CPZ: variants seen among roughly 807,000 people sequenced by gnomAD.
CPZ encodes VEZT/CPZ fusion.
In CPZ, 103 loss-of-function variants were observed where a neutral mutation model predicts 61.8. That is an observed-to-expected ratio of 1.67 (90% CI 1.42 to 1.96). The LOEUF (loss-of-function observed/expected upper bound fraction) is 1.96. Among genes scored for constraint, CPZ ranks in the 30% most tolerant of loss-of-function variants. The pLI, the probability that CPZ is intolerant of heterozygous loss-of-function variation, is 0.00. For synonymous variants in CPZ, 551 were observed against 373.7 expected (o/e 1.47, Z -5.47); for missense variants, 1,461 against 914.9 (o/e 1.60, Z -7.70).
At position 8,607,443 on chromosome 4, in the gene CPZ, T is replaced by C; in HGVS notation, c.1227+18T>C. The C allele has an allele frequency of 6.2e-7, 1 of 1,612,730 alleles. No homozygotes were observed. Among genetic ancestry groups the C allele is most frequent in the Non-Finnish European group, 8.5e-7 (1 of 1,179,528 alleles). On this transcript the variant is annotated intron_variant, in intron 7 of 10. Coordinates refer to ENST00000360986, the MANE Select transcript of CPZ (RefSeq NM_001014447.3). ...ACGAGAAGGTGAGAGGGCTGTCGGG[T>C]GTGTGCAGGGGAGGGAGACAGTGTG... is the stretch of plus-strand genomic sequence containing the variant.
chr4:8,595,491 C>T (rs892509098), intron 1 of CPZ, among the ~76,000 whole-genome samples: 1 of 152,216 alleles, frequency 6.6e-6, no homozygotes, highest in African/African-American at 2.4e-5. Flanking sequence ...TCAGCAGGCC[C>T]ACCCCCGTGT....
intron 1 of CPZ, among the ~76,000 whole-genome samples, chr4:8,593,722 G>T (rs1713966345): frequency 1.3e-5 from 2 of 152,188 alleles, no homozygotes; most frequent in Middle Eastern, 3.2e-3. Context: ...GGGGTTTGTG[G>T]ATACCTGAGA....
At chr4:8,595,379 G>A (rs1398555690) in intron 1 of CPZ, among the ~76,000 whole-genome samples, 1 of 152,184 alleles carries the variant, frequency 6.6e-6, no homozygotes, top group African/African-American at 2.4e-5. Flanking sequence ...GTTGGGGTGG[G>A]GAAGCAATGG....
In CPZ at chr4:8,601,262, G is replaced by T; in HGVS notation, c.261G>T (p.Gln87His). The T allele has an allele frequency of 6.2e-7, 1 of 1,613,600 alleles. No individual in the cohort carries two copies. Among genetic ancestry groups the T allele is most frequent in the Non-Finnish European group, 8.5e-7 (1 of 1,179,930 alleles). ...SEYILLSVLHQLLEGQCNPDL... is the reference protein window; with the variant it reads ...SEYILLSVLHHLLEGQCNPDL... ...ACATCCTGCTGAGCGTTCTACACCA[G>T]CTCCTGGAAGGCCAGTGCAACCCGG... Residue 87 changes from glutamine (Q) to histidine (H), a missense_variant, in exon 3 of 11, where the codon CAG becomes CAT. Physicochemically the swap from Gln to His is conservative, Grantham distance 24 (BLOSUM62 0). Coordinates refer to ENST00000360986, the MANE Select transcript of CPZ (RefSeq NM_001014447.3).
chr4:8,595,154 T>A (rs555413275), intron 1 of CPZ, among the ~76,000 whole-genome samples: 3 of 152,364 alleles, frequency 2.0e-5, no homozygotes, highest in African/African-American at 7.2e-5. Context: ...TGAAACACAC[T>A]GTTTTTAGTA....
At chr4:8,603,342 T>C (rs1347727470) in intron 3 of CPZ, 1 of 152,440 alleles carries the variant, frequency 6.6e-6, no homozygotes, top group Non-Finnish European at 1.5e-5. Flanking sequence ...GCGTATGTGG[T>C]GTAGAGACGT....
At chr4:8,614,707 G>A (rs190254107) in intron 9 of CPZ, among the ~76,000 whole-genome samples, 30 of 152,286 alleles carry the variant, frequency 2.0e-4, no homozygotes, top group African/African-American at 7.0e-4. Context: ...GTGCTGGGGT[G>A]GCGGTGCCAT....
rs866841952 is a variant in CPZ, at chr4:8,618,540, C to G, written c.1603+12C>G. 7 of 1,611,126 alleles carry G rather than the reference C, an allele frequency of 4.3e-6. No homozygotes were observed. In the African/African-American group the frequency reaches 5.3e-5, roughly 12 times the overall value. ...CGACATCACCACAGGTGAGCACGTC[C>G]CTGGCTGTCCCCTGGGGACCACGTC... On this transcript the variant is annotated intron_variant, in intron 10 of 10. Coordinates refer to ENST00000360986, the MANE Select transcript of CPZ (RefSeq NM_001014447.3).
chr4:8,597,468 T>G (rs1422556766), intron 1 of CPZ: 2 of 152,162 alleles, frequency 1.3e-5, no homozygotes, highest in Non-Finnish European at 2.9e-5. Context: ...GGGAGTCACG[T>G]GAGGGTGCCA....
chr4:8,612,913 A>T (rs1715834620), intron 8 of CPZ, among the ~76,000 whole-genome samples: 3 of 152,200 alleles, frequency 2.0e-5, no homozygotes, highest in Non-Finnish European at 4.4e-5. Flanking sequence ...CGGGCAGAGA[A>T]GGTGGCACTT....
At chr4:8,615,767 C>G (rs1490942576) in intron 9 of CPZ, among the ~76,000 whole-genome samples, 2 of 152,218 alleles carry the variant, frequency 1.3e-5, no homozygotes, top group Non-Finnish European at 2.9e-5. Flanking sequence ...TCTTCCCAAG[C>G]CCTCTGTCCA....
intron 9 of CPZ, 77 bp from the exon 10 acceptor site, chr4:8,618,352 T>G (rs907069950): frequency 1.0e-5 from 14 of 1,398,096 alleles, no homozygotes; most frequent in South Asian, 8.2e-5. Context: ...GAGGAGCATG[T>G]GGGGAACGAG....
At chr4:8,617,516 T>C (rs1716279286) in intron 9 of CPZ, among the ~76,000 whole-genome samples, 1 of 152,186 alleles carries the variant, frequency 6.6e-6, no homozygotes. Flanking sequence ...AAGATGAATA[T>C]ATAGGAAAAC....
At position 8,614,467 on chromosome 4, in the gene CPZ, A is replaced by C; in HGVS notation, c.1472A>C (p.Asn491Thr). ...GCCCTGTACATACTCTGGCAGCACA[A>C]CAAGGAGTCACTCCTGAATTTCGTG... The part of the protein sequence containing the change: ...EEALYILWQH[N>T]KESLLNFVET... Residue 491 changes from asparagine to threonine, a missense_variant, in exon 9 of 11, where the codon AAC (asparagine) becomes ACC (threonine). Asn to Thr is a moderately conservative substitution (Grantham distance 65). Coordinates refer to ENST00000360986, the MANE Select transcript of CPZ (RefSeq NM_001014447.3). 1 of 1,613,910 alleles carries C rather than the reference A, an allele frequency of 6.2e-7. No individual in the cohort carries two copies. Among genetic ancestry groups the C allele is most frequent in the African/African-American group, 1.3e-5 (1 of 75,062 alleles).
At chr4:8,610,332 G>C (rs1240640551) in intron 7 of CPZ, among the ~76,000 whole-genome samples, 1 of 152,198 alleles carries the variant, frequency 6.6e-6, no homozygotes. Flanking sequence ...GCCAGATCTG[G>C]GCCCCTGCAC....
rs1472661972 is a variant in CPZ, at chr4:8,604,178, G to A, written c.699G>A (p.Gln233=). 3 of 1,555,656 alleles carry A rather than the reference G, an allele frequency of 1.9e-6. No homozygotes were observed. The South Asian group carries it at 3.5e-5, about 18-fold the overall frequency. ...LVIEFSSRPG[Q]HELMEPEVKL... ...TCGAGTTCTCCAGCCGCCCCGGCCA[G>A]CACGAGCTGAGTGAGTGCCCTTGGG... The change falls in exon 4 of 11, where the codon CAG becomes CAA. Residue 233 remains glutamine, a synonymous_variant. Coordinates refer to ENST00000360986, the MANE Select transcript of CPZ (RefSeq NM_001014447.3).
intron 8 of CPZ, among the ~76,000 whole-genome samples, chr4:8,613,585 C>T (rs1485031467): frequency 6.6e-6 from 1 of 152,222 alleles, no homozygotes. Context: ...CCTTGAACTT[C>T]AGAAGGGCGT....
At chr4:8,613,118 G>A (rs1715852334) in intron 8 of CPZ, among the ~76,000 whole-genome samples, 1 of 150,586 alleles carries the variant, frequency 6.6e-6, no homozygotes, top group African/African-American at 2.4e-5. Context: ...AGCTGGGAGA[G>A]GCCCCTCTCT....
chr4:8,609,247 CATCACTCACTCATTCTCTT>C (rs1715421365), intron 7 of CPZ, among the ~76,000 whole-genome samples: 2 of 149,958 alleles, frequency 1.3e-5, no homozygotes, highest in Admixed American at 1.3e-4. Context: ...CTCATTCACT[CATCACTCACTCATTCTCTT>C]ATTCATTCAC....
Sources: gnomAD v4.1 joint callset for allele counts (sites outside exome capture counted in the v4.1 genomes callset) on GRCh38, gnomAD v4.1.1 for gene constraint, MANE v1.5 for transcripts, NCBI Gene and HGNC (gene_info 2026-07-23, HGNC 2026-07-21) for gene names.